Variants in HACD2 observed in about 807,000 individuals in gnomAD.
HACD2 encodes the protein very-long-chain (3R)-3-hydroxyacyl-CoA dehydratase 2.
Under a neutral mutation model 31.0 loss-of-function variants are expected in HACD2, and 15 were observed. The observed-to-expected ratio is 0.48, with a 90% CI of 0.32 to 0.75. The LOEUF (loss-of-function observed/expected upper bound fraction) is 0.75. HACD2 is among the 30% of genes least tolerant of loss of function. The pLI, the probability that HACD2 is intolerant of heterozygous loss-of-function variation, is 0.03. For missense variants in HACD2, 283 were observed against 313.0 expected, an observed-to-expected ratio of 0.90 and a Z score of 0.72; for synonymous variants, 115 against 122.2, an observed-to-expected ratio of 0.94 and a Z score of 0.39.
At chr3:123,515,387 G>C (rs1222075171) in intron 4 of HACD2, among the ~76,000 whole-genome samples, 1 of 152,132 alleles carries the variant, frequency 6.6e-6, no homozygotes, top group African/African-American at 2.4e-5. Flanking sequence ...AATGCCTGGG[G>C]CATAGAAGAT....
At chr3:123,542,269 A>T (rs2056502983) in intron 3 of HACD2, among the ~76,000 whole-genome samples, 1 of 152,040 alleles carries the variant, frequency 6.6e-6, no homozygotes, top group Non-Finnish European at 1.5e-5. Context: ...GGCCACAATT[A>T]ATAAACAAAT....
chr3:123,540,420 C>G (rs1314004666), intron 3 of HACD2, among the ~76,000 whole-genome samples: 1 of 152,172 alleles, frequency 6.6e-6, no homozygotes, highest in Non-Finnish European at 1.5e-5. Context: ...GAGGTCTCCA[C>G]TCTGAAAGTC....
At chr3:123,560,529 C>T (rs1031941952) in intron 3 of HACD2, among the ~76,000 whole-genome samples, 2 of 152,104 alleles carry the variant, frequency 1.3e-5, no homozygotes, top group Non-Finnish European at 2.9e-5. Context: ...CCCTTTCTCC[C>T]CCATCCCCCT....
chr3:123,530,307 T>C (rs1324312057), intron 3 of HACD2, among the ~76,000 whole-genome samples: 1 of 151,850 alleles, frequency 6.6e-6, no homozygotes, highest in African/African-American at 2.4e-5. Flanking sequence ...CTGGAGTACA[T>C]GACGCCATCA....
intron 3 of HACD2, among the ~76,000 whole-genome samples, chr3:123,542,128 C>A (rs867223656): frequency 3.5e-4 from 32 of 90,212 alleles, no homozygotes; most frequent in African/African-American, 1.3e-3. Flanking sequence ...GCCTGGGCGA[C>A]AGAGCGAGAC....
At chr3:123,528,548 T>C (rs2107706927) in intron 3 of HACD2, 74 bp from the exon 4 acceptor site, 2 of 935,556 alleles carry the variant, frequency 2.1e-6, no homozygotes, top group East Asian at 2.5e-5. Context: ...TTCTAAAACA[T>C]TCCAACTTAA....
chr3:123,502,800 AC>A (rs1169971095), intron 4 of HACD2, 119 bp from the exon 5 acceptor site: 6 of 1,012,956 alleles, frequency 5.9e-6, no homozygotes, highest in East Asian at 2.6e-5. Flanking sequence ...TATCTTCAGG[AC>A]CCCTGTATGG....
chr3:123,499,125 A>G (rs1024116337), intron 6 of HACD2, among the ~76,000 whole-genome samples: 5 of 152,186 alleles, frequency 3.3e-5, no homozygotes, highest in African/African-American at 1.2e-4. Flanking sequence ...AATATGGTAC[A>G]TATCTCCTAT....
intron 4 of HACD2, among the ~76,000 whole-genome samples, chr3:123,524,562 G>A (rs1251811818): frequency 1.3e-5 from 2 of 152,222 alleles, no homozygotes; most frequent in Non-Finnish European, 2.9e-5. Context: ...TGGTGGAACT[G>A]TTGAGGAGGA....
intron 2 of HACD2, among the ~76,000 whole-genome samples, chr3:123,576,440 G>A (rs1419523112): frequency 1.3e-5 from 2 of 152,064 alleles, no homozygotes; most frequent in Non-Finnish European, 2.9e-5. Context: ...AATCAAGTTA[G>A]AGTTTTCCTC....
chr3:123,530,125 G>A (rs570574452), intron 3 of HACD2, among the ~76,000 whole-genome samples: 1 of 152,190 alleles, frequency 6.6e-6, no homozygotes, highest in South Asian at 2.1e-4. Context: ...GATTAATGAG[G>A]TTGAAGCAAT....
At chr3:123,506,865 T>G (rs1237489749) in intron 4 of HACD2, among the ~76,000 whole-genome samples, 2 of 152,182 alleles carry the variant, frequency 1.3e-5, no homozygotes, top group Non-Finnish European at 2.9e-5. Flanking sequence ...CAGGAGGGGT[T>G]TTTTGAGGGG....
chr3:123,556,254 C>T (rs1456768926), intron 3 of HACD2, among the ~76,000 whole-genome samples: 1 of 151,816 alleles, frequency 6.6e-6, no homozygotes, highest in African/African-American at 2.4e-5. Flanking sequence ...CCTGGCAACA[C>T]GGAGAAGTCC....
At chr3:123,540,097 A>G (rs1354662549) in intron 3 of HACD2, among the ~76,000 whole-genome samples, 1 of 150,532 alleles carries the variant, frequency 6.6e-6, no homozygotes, top group African/African-American at 2.4e-5. Flanking sequence ...AAAAAAAAAA[A>G]GAAAAGAAAA....
chr3:123,559,632 A>G (rs1179077205), intron 3 of HACD2, among the ~76,000 whole-genome samples: 6 of 152,226 alleles, frequency 3.9e-5, no homozygotes, highest in Non-Finnish European at 7.3e-5. Context: ...TGTTTCCAAC[A>G]GGGTGTGCCC....
chr3:123,577,424 A>T lies in HACD2; in HGVS notation c.273+4788T>A, dbSNP rs146753973. On this transcript the variant is annotated intron_variant, in intron 2 of 6. Coordinates refer to ENST00000383657, the MANE Select transcript of HACD2 (RefSeq NM_198402.5). ...ATCATGAGGTCAGGAGATCGAGACC[A>T]TCCTGGCTAACATGGTGAAACCCCG... Among the ~76,000 whole-genome samples, 425 of 152,212 alleles carry T rather than the reference A, an allele frequency of 2.8e-3. 2 individuals carry two copies. The highest frequency in any genetic ancestry group is 9.9e-3 in the African/African-American group (411 of 41,540).
At chr3:123,571,659 C>A (rs1042931591) in intron 2 of HACD2, among the ~76,000 whole-genome samples, 1 of 152,158 alleles carries the variant, frequency 6.6e-6, no homozygotes. Context: ...TCCCCTGGAG[C>A]CTCCAGATAA....
chr3:123,567,719 G>T, intron 3 of HACD2, 43 bp downstream of exon 3: 2 of 1,239,014 alleles, frequency 1.6e-6, no homozygotes, highest in Non-Finnish European at 2.2e-6. Flanking sequence ...TTTTAAATAA[G>T]CAGAATTCAC....
At chr3:123,527,264 G>A (rs1435453343) in intron 4 of HACD2, among the ~76,000 whole-genome samples, 11 of 152,196 alleles carry the variant, frequency 7.2e-5, no homozygotes, top group Admixed American at 6.5e-4. Context: ...TTGCTTATCT[G>A]AAGTTTCACT....
Sources: allele counts gnomAD v4.1 joint callset (sites outside exome capture counted in the v4.1 genomes callset), GRCh38; gene constraint gnomAD v4.1.1; transcripts MANE v1.5; gene names NCBI Gene and HGNC (gene_info 2026-07-23, HGNC 2026-07-21).